RBFOX3: variants seen among roughly 807,000 people sequenced by gnomAD.
RBFOX3 encodes the protein RNA binding protein fox-1 homolog 3.
In RBFOX3, 17 loss-of-function variants were observed where a neutral mutation model predicts 48.7. The ratio of observed to expected loss-of-function variants is 0.35; its 90% CI spans 0.24 to 0.52. RBFOX3 has a LOEUF of 0.52. Among genes scored for constraint, RBFOX3 ranks in the 20% least tolerant of loss-of-function variants. The pLI is 0.94. For synonymous variants in RBFOX3, 212 were observed against 209.5 expected (o/e 1.01, Z -0.10); for missense variants, 382 against 497.5 (o/e 0.77, Z 2.21).
intron 1 of RBFOX3, among the ~76,000 whole-genome samples, chr17:79,489,727 C>A (rs1403558126): frequency 6.6e-6 from 1 of 152,214 alleles, no homozygotes; most frequent in Non-Finnish European, 1.5e-5. Flanking sequence ...AGGCACTGTT[C>A]TCTTTCCTTC....
At chr17:79,370,781 T>G (rs1208240207) in intron 2 of RBFOX3, among the ~76,000 whole-genome samples, 2 of 152,032 alleles carry the variant, frequency 1.3e-5, no homozygotes, top group Non-Finnish European at 2.9e-5. Flanking sequence ...ACATGTCTCA[T>G]GCATACACCT....
intron 4 of RBFOX3, among the ~76,000 whole-genome samples, chr17:79,160,720 C>T (rs1200897345): frequency 1.3e-5 from 2 of 152,186 alleles, no homozygotes; most frequent in African/African-American, 2.4e-5. Flanking sequence ...TGGCTCATGC[C>T]TGTAATTCCA....
chr17:79,209,111 G>A (rs1168855449), intron 4 of RBFOX3, among the ~76,000 whole-genome samples: 5 of 152,054 alleles, frequency 3.3e-5, no homozygotes, highest in Admixed American at 2.0e-4. Flanking sequence ...GAGCCACCAC[G>A]CCCGGCCCCT....
At chr17:79,500,414 C>T (rs1190869300) in intron 1 of RBFOX3, among the ~76,000 whole-genome samples, 3 of 151,984 alleles carry the variant, frequency 2.0e-5, no homozygotes, top group Non-Finnish European at 2.9e-5. Flanking sequence ...TGCACCACCA[C>T]GCCTGGCTAA....
chr17:79,444,182 G>A lies in RBFOX3; in HGVS notation c.-175+38272C>T, dbSNP rs1568262476. Among the ~76,000 whole-genome samples, 5 of 152,298 alleles carry A rather than the reference G, an allele frequency of 3.3e-5. No homozygotes were observed. In the East Asian group the frequency reaches 5.8e-4, roughly 18 times the overall value. On this transcript the variant is annotated intron_variant, in intron 2 of 14. Coordinates refer to ENST00000693108, the MANE Select transcript of RBFOX3 (RefSeq NM_001350451.2). ...GATATGGAGAGAAAAGAAGGCCAAG[G>A]AGGGGGCTGCAGACCGGACACCCAC...
At position 79,443,960 on chromosome 17, in the gene RBFOX3, A is replaced by G. The variant is rs1281296931; in HGVS notation, c.-175+38494T>C. On this transcript the variant is annotated intron_variant, in intron 2 of 14. Coordinates refer to ENST00000693108, the MANE Select transcript of RBFOX3 (RefSeq NM_001350451.2). The surrounding 1 kb of genome is among the most constrained non-coding windows in gnomAD (Gnocchi z 4.4). ...GTGACACTTCATCTCATGGTGCCTG[A>G]GACAGGCACTGCCATCCCTCTTCCC... 6.6e-6 allele frequency among the ~76,000 whole-genome samples: 1 copy of G among 152,164 alleles called. No homozygotes were observed. Among genetic ancestry groups the G allele is most frequent in the Non-Finnish European group, 1.5e-5 (1 of 68,032 alleles).
At chr17:79,304,823 C>A (rs1309326908) in intron 3 of RBFOX3, among the ~76,000 whole-genome samples, 1 of 152,184 alleles carries the variant, frequency 6.6e-6, no homozygotes, top group African/African-American at 2.4e-5. Context: ...GTGCTGGTGG[C>A]TGTTGGGTTA....
intron 4 of RBFOX3, among the ~76,000 whole-genome samples, chr17:79,230,975 A>G (rs966685806): frequency 6.6e-6 from 1 of 152,050 alleles, no homozygotes; most frequent in Non-Finnish European, 1.5e-5. Flanking sequence ...ACTAGTTTTC[A>G]AGACACTGGA....
intron 4 of RBFOX3, among the ~76,000 whole-genome samples, chr17:79,208,918 C>T (rs746507938): frequency 7.2e-5 from 11 of 152,126 alleles, no homozygotes; most frequent in Non-Finnish European, 1.5e-4. Flanking sequence ...CGGGTTCACG[C>T]CGTTCTCCTG....
chr17:79,181,502 TCCTG>T (rs1421829339), intron 4 of RBFOX3, among the ~76,000 whole-genome samples: 3 of 152,214 alleles, frequency 2.0e-5, no homozygotes, highest in African/African-American at 7.2e-5. Context: ...TTGGATGACT[TCCTG>T]CCTGTCAGTT....
At chr17:79,369,582 T>C (rs993743151) in intron 2 of RBFOX3, among the ~76,000 whole-genome samples, 2 of 152,138 alleles carry the variant, frequency 1.3e-5, no homozygotes, top group Admixed American at 6.5e-5. Flanking sequence ...GGGGCATGGT[T>C]GGTGTTGCTC....
intron 4 of RBFOX3, among the ~76,000 whole-genome samples, chr17:79,145,364 G>T: frequency 6.6e-6 from 1 of 152,344 alleles, no homozygotes; most frequent in Middle Eastern, 3.4e-3. Context: ...CCCTGAAATT[G>T]CCTTGGAAGC....
At chr17:79,611,090 CCT>C (rs1215305331), upstream of RBFOX3, among the ~76,000 whole-genome samples, 13 of 142,680 alleles carry the variant, frequency 9.1e-5, no homozygotes, top group Admixed American at 2.1e-4. Context: ...TCCCTCGCCT[CCT>C]CTCTCTCTCT....
chr17:79,547,760 G>C (rs75720662), intron 1 of RBFOX3, among the ~76,000 whole-genome samples: 5,353 of 152,300 alleles, frequency 0.035, 330 homozygotes, highest in African/African-American at 0.12. Flanking sequence ...GGGACTTTAG[G>C]GGGCAGCAGG....
At chr17:79,344,482 C>T (rs1199470288) in intron 2 of RBFOX3, among the ~76,000 whole-genome samples, 1 of 152,176 alleles carries the variant, frequency 6.6e-6, no homozygotes, top group African/African-American at 2.4e-5. Context: ...TCCCCTTCCT[C>T]ATTGGGCTTC....
Position 79,287,057 on chromosome 17 carries a change from G to A in RBFOX3, c.-74+20667C>T, listed in dbSNP as rs527399283. Among the ~76,000 whole-genome samples the A allele has an allele frequency of 3.9e-5, 6 of 152,370 alleles. No homozygotes were observed. In the South Asian group the frequency reaches 8.3e-4, roughly 21 times the overall value. ...CAGCGGCCCTGACGCAGCTCGAGGG[G>A]CTCACACCGGGGCAAGCAGGATAGC... On this transcript the variant is annotated intron_variant, in intron 3 of 14. Coordinates refer to ENST00000693108, the MANE Select transcript of RBFOX3 (RefSeq NM_001350451.2).
chr17:79,553,477 T>C (rs2091337932), intron 1 of RBFOX3, among the ~76,000 whole-genome samples: 1 of 152,234 alleles, frequency 6.6e-6, no homozygotes, highest in Non-Finnish European at 1.5e-5. Flanking sequence ...ATTCTCACTT[T>C]AGGAAAATTA....
chr17:79,213,323 G>T (rs113053789), intron 4 of RBFOX3, among the ~76,000 whole-genome samples: 2 of 152,220 alleles, frequency 1.3e-5, no homozygotes, highest in Admixed American at 6.5e-5. Context: ...GACGCGGCGG[G>T]GGGGCACCTG....
At chr17:79,412,680 T>C (rs538061049) in intron 2 of RBFOX3, among the ~76,000 whole-genome samples, 1 of 151,790 alleles carries the variant, frequency 6.6e-6, no homozygotes, top group South Asian at 2.1e-4. Flanking sequence ...GTATGGTATA[T>C]GTGTATATGT....
Sources: gnomAD v4.1 joint callset for allele counts (sites outside exome capture counted in the v4.1 genomes callset) on GRCh38, gnomAD v4.1.1 for gene constraint, Gnocchi (gnomAD v3.1) non-coding constraint, MANE v1.5 for transcripts, NCBI Gene and HGNC (gene_info 2026-07-23, HGNC 2026-07-21) for gene names.